SLC8A3: variants seen among roughly 807,000 people sequenced by gnomAD.
The protein encoded by SLC8A3 is solute carrier family 8 member A3.
A neutral mutation model predicts 65.4 loss-of-function variants in SLC8A3; 37 were observed. That is an observed-to-expected ratio of 0.57 (90% CI 0.44 to 0.74). SLC8A3 has a LOEUF of 0.74. SLC8A3 is among the 30% of genes least tolerant of loss of function. The pLI, the probability that SLC8A3 is intolerant of heterozygous loss-of-function variation, is 0.00. For missense variants in SLC8A3, 1,112 were observed against 1,172.1 expected (o/e 0.95, Z 0.75); for synonymous variants, 461 against 444.5 (o/e 1.04, Z -0.47).
intron 2 of SLC8A3, among the ~76,000 whole-genome samples, chr14:70,084,636 T>C (rs1482902183): frequency 6.6e-6 from 1 of 152,218 alleles, no homozygotes; most frequent in Non-Finnish European, 1.5e-5. Flanking sequence ...GGGAATGTGG[T>C]GTTTTGGAGC....
intron 2 of SLC8A3, among the ~76,000 whole-genome samples, chr14:70,085,275 C>G (rs1028124979): frequency 9.2e-5 from 14 of 152,020 alleles, no homozygotes; most frequent in Admixed American, 6.6e-5. Context: ...CAAAACACAC[C>G]AACACACAAA....
intron 2 of SLC8A3, among the ~76,000 whole-genome samples, chr14:70,137,435 G>A (rs1459393890): frequency 6.6e-6 from 1 of 152,180 alleles, no homozygotes; most frequent in South Asian, 2.1e-4. Flanking sequence ...GAGCCACCGT[G>A]CCAAGCCTAT....
intron 2 of SLC8A3, 82 bp from the exon 3 acceptor site, chr14:70,061,021 T>C (rs772946632): frequency 3.2e-5 from 21 of 659,780 alleles, no homozygotes; most frequent in Non-Finnish European, 3.5e-5. Flanking sequence ...TTAAAATCAT[T>C]CCCCGTCATT....
chr14:70,125,032 C>G (rs1375089975), intron 2 of SLC8A3, among the ~76,000 whole-genome samples: 2 of 152,202 alleles, frequency 1.3e-5, no homozygotes, highest in African/African-American at 2.4e-5. Context: ...TAACATAACA[C>G]AGTGCCTTGC....
intron 1 of SLC8A3, among the ~76,000 whole-genome samples, chr14:70,172,157 A>T (rs61978188): frequency 7.9e-5 from 12 of 151,930 alleles, no homozygotes; most frequent in Non-Finnish European, 1.0e-4. Flanking sequence ...CTTTTCCCCC[A>T]CCCAGGACCA....
At chr14:70,057,988 C>T (rs183691763) in intron 3 of SLC8A3, among the ~76,000 whole-genome samples, 1 of 152,312 alleles carries the variant, frequency 6.6e-6, no homozygotes, top group South Asian at 2.1e-4. Context: ...GTGTTGCTCT[C>T]GGAAGTCCAC....
At chr14:70,130,932 T>C (rs141675657) in intron 2 of SLC8A3, among the ~76,000 whole-genome samples, 224 of 152,306 alleles carry the variant, frequency 1.5e-3, no homozygotes, top group Non-Finnish European at 2.4e-3. Context: ...TGGCTAGAGA[T>C]GCAGATTTGA....
chr14:70,089,895 G>A (rs554932239), intron 2 of SLC8A3, among the ~76,000 whole-genome samples: 3 of 151,992 alleles, frequency 2.0e-5, no homozygotes, highest in Non-Finnish European at 4.4e-5. Context: ...ACCAAGATTT[G>A]TATACGCAGG....
intron 3 of SLC8A3, among the ~76,000 whole-genome samples, chr14:70,060,483 G>A (rs2332235): frequency 6.6e-6 from 1 of 152,252 alleles, no homozygotes; most frequent in South Asian, 2.1e-4. Context: ...TGGGGTGGGG[G>A]AGAGTGCAGG....
Position 70,166,985 on chromosome 14 carries a change from A to G in SLC8A3, c.1438T>C (p.Phe480Leu). The stretch of plus-strand genomic sequence containing the variant: ...CGGACATTGCTCAACCTTACAAAGA[A>G]GTGTTCATCCTCCTCAAAAATGTCG... ...DDDIFEEDEH[F>L]FVRLSNVRIE... Residue 480 changes from phenylalanine to leucine, a missense_variant, in exon 2 of 7, where the codon TTC becomes CTC. Coordinates refer to ENST00000356921, the MANE Select transcript of SLC8A3 (RefSeq NM_182932.3). 1 of 1,614,076 alleles carries G rather than the reference A, an allele frequency of 6.2e-7. No individual in the cohort carries two copies. The highest frequency in any genetic ancestry group is 8.5e-7 in the Non-Finnish European group (1 of 1,180,010).
intron 2 of SLC8A3, among the ~76,000 whole-genome samples, chr14:70,099,304 AAAG>A (rs1892403343): frequency 6.6e-6 from 1 of 152,248 alleles, no homozygotes; most frequent in South Asian, 2.1e-4. Context: ...ATTGTGACAG[AAAG>A]AAGAATACGT....
intron 2 of SLC8A3, among the ~76,000 whole-genome samples, chr14:70,125,540 G>A (rs993181804): frequency 2.0e-5 from 3 of 152,154 alleles, no homozygotes; most frequent in Non-Finnish European, 2.9e-5. Flanking sequence ...ATTCCATTGT[G>A]TGTGTATATA....
intron 2 of SLC8A3, among the ~76,000 whole-genome samples, chr14:70,110,376 C>T (rs1292744440): frequency 1.4e-5 from 2 of 138,620 alleles, no homozygotes; most frequent in African/African-American, 5.2e-5. Context: ...CATCCTTCTA[C>T]TCTCTATGTC....
Position 70,168,839 on chromosome 14 carries a change from C to T in SLC8A3, c.-62-355G>A, listed in dbSNP as rs117936176. ...ACCTGAATCTTCATGCCCATTTATA[C>T]TGTTTCTGGGGTGTTCGGACTTCCT... On this transcript the variant is annotated intron_variant, in intron 1 of 6. Coordinates refer to ENST00000356921, the MANE Select transcript of SLC8A3 (RefSeq NM_182932.3). Among the ~76,000 whole-genome samples, 315 of 152,318 alleles carry T rather than the reference C, an allele frequency of 2.1e-3. 1 individual carries two copies. Among genetic ancestry groups the T allele is most frequent in the South Asian group, 4.6e-3 (22 of 4,824 alleles).
chr14:70,102,904 A>G (rs1191868531), intron 2 of SLC8A3, among the ~76,000 whole-genome samples: 1 of 152,012 alleles, frequency 6.6e-6, no homozygotes, highest in Admixed American at 6.6e-5. Flanking sequence ...AATTGGCTTA[A>G]ATTTTTCCAA....
intron 2 of SLC8A3, among the ~76,000 whole-genome samples, chr14:70,124,409 C>T (rs1420674000): frequency 5.3e-5 from 8 of 152,246 alleles, no homozygotes; most frequent in African/African-American, 1.9e-4. Flanking sequence ...TCAATCAGCC[C>T]TTCTCCTTCA....
intron 6 of SLC8A3, chr14:70,048,480 T>A (rs913953232): frequency 1.7e-6 from 1 of 602,638 alleles, no homozygotes; most frequent in Admixed American, 2.8e-5. Flanking sequence ...GTGGGGATAA[T>A]AACTTACCCT....
intron 2 of SLC8A3, among the ~76,000 whole-genome samples, chr14:70,094,692 C>G (rs896311684): frequency 2.0e-5 from 3 of 152,158 alleles, no homozygotes; most frequent in African/African-American, 7.2e-5. Context: ...GACAGAATGT[C>G]CCCCCTGCTG....
At chr14:70,104,932 A>C (rs1892756801) in intron 2 of SLC8A3, among the ~76,000 whole-genome samples, 1 of 152,194 alleles carries the variant, frequency 6.6e-6, no homozygotes, top group Non-Finnish European at 1.5e-5. Context: ...AGTGAAGAGA[A>C]GGAAGAAAAG....
Sources: gnomAD v4.1 joint callset for allele counts (sites outside exome capture counted in the v4.1 genomes callset) on GRCh38, gnomAD v4.1.1 for gene constraint, MANE v1.5 for transcripts, NCBI Gene and HGNC (gene_info 2026-07-23, HGNC 2026-07-21) for gene names.